Variants in KLHL6 observed in about 807,000 individuals in gnomAD.
KLHL6 encodes the protein kelch-like protein 6.
KLHL6 carries 41 observed loss-of-function variants against 58.6 expected under a neutral mutation model. The observed-to-expected ratio is 0.70, with a 90% confidence interval of 0.55 to 0.91. The LOEUF (loss-of-function observed/expected upper bound fraction) is 0.91. Ranked by LOEUF, KLHL6 falls within the 40% of genes least tolerant of loss-of-function variation. The pLI is 0.00. For missense variants in KLHL6, 714 were observed against 805.6 expected (o/e 0.89, Z 1.38); for synonymous variants, 338 against 322.7 (o/e 1.05, Z -0.51).
intron 1 of KLHL6, among the ~76,000 whole-genome samples, chr3:183,543,814 C>G (rs1398223164): frequency 6.6e-6 from 1 of 152,200 alleles, no homozygotes; most frequent in African/African-American, 2.4e-5. Flanking sequence ...CCCAGAGCAT[C>G]TCTTCAGAAA....
chr3:183,502,468 T>C (rs1717893575), intron 3 of KLHL6, among the ~76,000 whole-genome samples: 1 of 152,174 alleles, frequency 6.6e-6, no homozygotes, highest in South Asian at 2.1e-4. Context: ...TTGGTCTCTA[T>C]GACCAACAGA....
intron 1 of KLHL6, among the ~76,000 whole-genome samples, chr3:183,544,231 G>A (rs1712647383): frequency 1.4e-5 from 2 of 145,998 alleles, no homozygotes; most frequent in South Asian, 4.5e-4. Context: ...TGGCCTTAAC[G>A]TTTTCCATAG....
intron 1 of KLHL6, among the ~76,000 whole-genome samples, chr3:183,531,161 A>C (rs1712143800): frequency 1.3e-5 from 2 of 151,844 alleles, no homozygotes; most frequent in Non-Finnish European, 2.9e-5. Context: ...AGAGGGAAAA[A>C]TTACCCTAAG....
chr3:183,515,117 C>T (rs1376686871), intron 2 of KLHL6, among the ~76,000 whole-genome samples: 1 of 152,162 alleles, frequency 6.6e-6, no homozygotes, highest in Non-Finnish European at 1.5e-5. Flanking sequence ...GAGTTACTCC[C>T]TGGTATCCTT....
Position 183,489,465 on chromosome 3 carries a change from A to G in KLHL6, c.*2462T>C, listed in dbSNP as rs1442990519. 1 of 152,184 alleles carries G rather than the reference A, an allele frequency of 6.6e-6. No homozygotes were observed. Among genetic ancestry groups the G allele is most frequent in the Non-Finnish European group, 1.5e-5 (1 of 68,034 alleles). 9.4% of individuals were successfully genotyped at this position (152,184 alleles called of 1,614,324 possible). ...AGCTAACTTGAAGAAAATAAAAACA[A>G]GAATATTAACTGGTGGCCTATTTAC... On this transcript the variant is annotated 3_prime_UTR_variant, in exon 7 of 7. Coordinates refer to ENST00000341319, the MANE Select transcript of KLHL6 (RefSeq NM_130446.4).
rs1447333455 is a variant in KLHL6 at position 183,492,606 on chromosome 3, G to C, written c.1452C>G (p.Asp484Glu). 2 of 1,614,206 alleles carry C rather than the reference G, an allele frequency of 1.2e-6. No individual in the cohort carries two copies. The highest frequency in any genetic ancestry group is 1.7e-6 in the Non-Finnish European group (2 of 1,180,036). ...GGGPNGKLAT[D>E]KTQCYDPSTN... ...TGGAAGGGTCATAACACTGAGTCTTGTCTGTGGCCAGTTTCCCATTGGGCC... is the reference window on the plus strand; with the variant it reads ...TGGAAGGGTCATAACACTGAGTCTTCTCTGTGGCCAGTTTCCCATTGGGCC... Residue 484 changes from aspartate to glutamate, a missense_variant, in exon 6 of 7, where the codon GAC becomes GAG. By Grantham distance (45) the Asp-to-Glu change is conservative (BLOSUM62 2). Transcript: ENST00000341319. The surrounding 1 kb of genome is among the most constrained non-coding windows in gnomAD (Gnocchi z 5.9).
chr3:183,520,177 A>G (rs536520338), intron 2 of KLHL6: 1 of 152,318 alleles, frequency 6.6e-6, no homozygotes, highest in South Asian at 2.1e-4. Context: ...TGCATGGTGA[A>G]ATACACATGT....
At chr3:183,538,731 T>A (rs1475421586) in intron 1 of KLHL6, among the ~76,000 whole-genome samples, 1 of 152,190 alleles carries the variant, frequency 6.6e-6, no homozygotes, top group Non-Finnish European at 1.5e-5. Flanking sequence ...TCTCTCTCTA[T>A]GGTCCCCAGC....
chr3:183,511,384 A>G (rs562634213), intron 2 of KLHL6, among the ~76,000 whole-genome samples: 2 of 152,348 alleles, frequency 1.3e-5, no homozygotes, highest in Non-Finnish European at 2.9e-5. Context: ...CAAATGTACA[A>G]TCGGGTTTTA....
Position 183,527,978 on chromosome 3 carries a change from T to C in KLHL6, c.326A>G (p.Tyr109Cys), listed in dbSNP as rs780725237. Residue 109 changes from tyrosine to cysteine, a missense_variant, in exon 2 of 7, where the codon TAT becomes TGT. Around this residue, in one of 2 missense-constraint regions of KLHL6, gnomAD observed 204 missense variants for 175.9 expected, o/e 1.16. Transcript: ENST00000341319. ...AMFCNDLKEK[Y>C]EKRIIIKGVD... ...CCCTTTAATAATGATCCTTTTCTCATACTTTTCCTTTAAATCGTTGCAGAA... is the reference window on the plus strand; with the variant it reads ...CCCTTTAATAATGATCCTTTTCTCACACTTTTCCTTTAAATCGTTGCAGAA... The C allele has an allele frequency of 2.5e-6, 4 of 1,613,954 alleles. No individual in the cohort carries two copies. The highest frequency in any genetic ancestry group is 1.1e-5 in the South Asian group (1 of 91,076).
In KLHL6 at chr3:183,489,868, G is replaced by C. The variant is rs988340435; in HGVS notation, c.*2059C>G. The C allele has an allele frequency of 6.6e-6, 1 of 152,140 alleles. No individual in the cohort carries two copies. The highest frequency in any genetic ancestry group is 1.5e-5 in the Non-Finnish European group (1 of 68,038). 9.4% of individuals were successfully genotyped at this position (152,140 alleles called of 1,614,324 possible). On this transcript the variant is annotated 3_prime_UTR_variant, in exon 7 of 7. Transcript: ENST00000341319. ...TCAAATATTAGCTTCTTCTAACCGT[G>C]ACTGTTTAATGAAAATTCAATTCAC... is the stretch of plus-strand genomic sequence containing the variant.
At chr3:183,551,778 A>G (rs1712923188) in intron 1 of KLHL6, among the ~76,000 whole-genome samples, 1 of 152,224 alleles carries the variant, frequency 6.6e-6, no homozygotes, top group Non-Finnish European at 1.5e-5. Flanking sequence ...CCTTTGGCGC[A>G]TGAGACAGGG....
intron 2 of KLHL6, among the ~76,000 whole-genome samples, chr3:183,519,566 G>C (rs1320617378): frequency 6.6e-6 from 1 of 152,046 alleles, no homozygotes; most frequent in Non-Finnish European, 1.5e-5. Flanking sequence ...TGAGAGCTCA[G>C]GATAGAAATT....
chr3:183,499,612 C>T lies in KLHL6; in HGVS notation c.1125G>A (p.Leu375=), dbSNP rs1717811415. 4 of 1,599,292 alleles carry T rather than the reference C, an allele frequency of 2.5e-6. No homozygotes were observed. Among genetic ancestry groups the T allele is most frequent in the Middle Eastern group, 1.7e-4 (1 of 6,030 alleles). ...TACCTGAGATGTAGACCTCATTTTT[C>T]AATGTCACGCATGCAAACTCCACCC... ...KKWVEFACVT[L]KNEVYISGGK... The change falls in exon 4 of 7, where the codon TTG becomes TTA. Residue 375 remains leucine (L), a synonymous_variant. Coordinates refer to ENST00000341319, the MANE Select transcript of KLHL6 (RefSeq NM_130446.4). The surrounding 1 kb of genome is among the most constrained non-coding windows in gnomAD (Gnocchi z 4.6).
At chr3:183,543,438 C>T (rs2108694592) in intron 1 of KLHL6, among the ~76,000 whole-genome samples, 1 of 152,288 alleles carries the variant, frequency 6.6e-6, no homozygotes, top group East Asian at 1.9e-4. Flanking sequence ...CATTTCCAGG[C>T]CCACCTGCTA....
Position 183,503,026 on chromosome 3 carries a change from T to C in KLHL6, c.910-3199A>G, listed in dbSNP as rs138566443. 3.8e-3 allele frequency among the ~76,000 whole-genome samples: 574 copies of C among 152,350 alleles called. 2 individuals are homozygous for C. The highest frequency in any genetic ancestry group is 0.013 in the African/African-American group (533 of 41,586). Reference sequence around the variant, plus strand: ...TGGCAAAATACTAACCCCAAAGCCATGACAAATGTCAATCTGAAGTCTGAG... The same window carrying C: ...TGGCAAAATACTAACCCCAAAGCCACGACAAATGTCAATCTGAAGTCTGAG... On this transcript the variant is annotated intron_variant, in intron 3 of 6. Coordinates refer to ENST00000341319, the MANE Select transcript of KLHL6 (RefSeq NM_130446.4).
At chr3:183,523,816 G>A (rs1291784988) in intron 2 of KLHL6, among the ~76,000 whole-genome samples, 1 of 152,104 alleles carries the variant, frequency 6.6e-6, no homozygotes, top group Non-Finnish European at 1.5e-5. Context: ...CTGGAGCGCA[G>A]TGGCGCAATC....
At chr3:183,498,022 TCA>T in intron 4 of KLHL6, among the ~76,000 whole-genome samples, 1 of 152,016 alleles carries the variant, frequency 6.6e-6, no homozygotes, top group South Asian at 2.1e-4. Context: ...GATCACAAGG[TCA>T]GGAGTTCAAG....
chr3:183,555,525 A>G lies in KLHL6; in HGVS notation c.129T>C (p.Asn43=), dbSNP rs1713090194. Residue 43 remains asparagine, a synonymous_variant, in exon 1 of 7, where the codon AAT becomes AAC. Transcript: ENST00000341319. ...CGTCGTCAAATTTGACCTTTTCCCC[A>G]TTTAAGATCTCGACCAAGTCTCCTG... ...QKTGDLVEIL[N]GEKVKFDDAG... 2.5e-6 allele frequency: 4 copies of G among 1,613,954 alleles called. No homozygotes were observed. The highest frequency in any genetic ancestry group is 1.3e-5 in the African/African-American group (1 of 74,884).
Sources: allele counts gnomAD v4.1 joint callset (sites outside exome capture counted in the v4.1 genomes callset), GRCh38; gene constraint gnomAD v4.1.1; regional missense constraint gnomAD v4.1.1; non-coding constraint Gnocchi (gnomAD v3.1); transcripts MANE v1.5; gene names NCBI Gene and HGNC (gene_info 2026-07-23, HGNC 2026-07-21).